Variants in SGIP1 observed in about 807,000 individuals in gnomAD.
SGIP1 encodes the protein SH3GL interacting endocytic adaptor 1.
In SGIP1, 38 loss-of-function variants were observed where a neutral mutation model predicts 107.5. The ratio of observed to expected loss-of-function variants is 0.35; its 90% CI spans 0.27 to 0.46. The LOEUF (loss-of-function observed/expected upper bound fraction) is 0.46. Among genes scored for constraint, SGIP1 ranks in the 20% least tolerant of loss-of-function variants. The pLI is 1.00. For missense variants in SGIP1, 929 were observed against 1,019.5 expected (o/e 0.91, Z 1.21); for synonymous variants, 365 against 366.1 (o/e 1.00, Z 0.03).
At chr1:66,620,112 A>G (rs1029568013) in intron 1 of SGIP1, among the ~76,000 whole-genome samples, 3 of 152,116 alleles carry the variant, frequency 2.0e-5, no homozygotes, top group Non-Finnish European at 4.4e-5. Context: ...TGTACTCAGG[A>G]GAAAAGAAAA....
chr1:66,691,305 G>A (rs1214859998), intron 17 of SGIP1, among the ~76,000 whole-genome samples: 1 of 152,198 alleles, frequency 6.6e-6, no homozygotes. Flanking sequence ...GAAGTAGCTT[G>A]ATCAAAGCCT....
At chr1:66,646,555 A>G (rs2077703335) in intron 7 of SGIP1, among the ~76,000 whole-genome samples, 1 of 152,222 alleles carries the variant, frequency 6.6e-6, no homozygotes, top group African/African-American at 2.4e-5. Context: ...CATGAACTAT[A>G]ACCAATTTGA....
intron 18 of SGIP1, among the ~76,000 whole-genome samples, chr1:66,700,601 T>C (rs1043346540): frequency 3.3e-5 from 5 of 151,472 alleles, no homozygotes; most frequent in Non-Finnish European, 2.9e-5. Context: ...CCAAATAATA[T>C]TTCAATACAT....
At chr1:66,613,295 C>T (rs965122651) in intron 1 of SGIP1, among the ~76,000 whole-genome samples, 14 of 152,052 alleles carry the variant, frequency 9.2e-5, no homozygotes, top group African/African-American at 3.4e-4. Context: ...GTACTTTCAA[C>T]GACTGCCCAT....
intron 1 of SGIP1, among the ~76,000 whole-genome samples, chr1:66,602,351 C>T (rs1468108752): frequency 6.6e-6 from 1 of 152,008 alleles, no homozygotes; most frequent in Non-Finnish European, 1.5e-5. Context: ...TGTATAAATT[C>T]CTGGGCCTCA....
At chr1:66,598,583 T>A (rs940392478) in intron 1 of SGIP1, among the ~76,000 whole-genome samples, 10 of 152,158 alleles carry the variant, frequency 6.6e-5, no homozygotes, top group Non-Finnish European at 1.5e-5. Flanking sequence ...CATGGCAGCA[T>A]CTTCTGGGGA....
chr1:66,673,487 A>G, intron 12 of SGIP1, 121 bp downstream of exon 12: 1 of 935,596 alleles, frequency 1.1e-6, no homozygotes, highest in East Asian at 3.0e-5. Context: ...GTGGGAAAGA[A>G]AAGTTTCAAT....
chr1:66,642,794 C>G lies in SGIP1; in HGVS notation c.229-16C>G. The stretch of plus-strand genomic sequence containing the variant: ...GTTAGGATAATAATTACTTCATGTG[C>G]ACTTGTGTTTTATAGAACTCACCTG... On this transcript the variant is annotated splice_polypyrimidine_tract_variant and intron_variant, in intron 5 of 24. Coordinates refer to ENST00000371037, the MANE Select transcript of SGIP1 (RefSeq NM_032291.4). The G allele has an allele frequency of 1.2e-6, 2 of 1,602,456 alleles. No individual in the cohort carries two copies. The highest frequency in any genetic ancestry group is 4.5e-5 in the East Asian group (2 of 44,706).
chr1:66,614,098 G>A (rs1335883945), intron 1 of SGIP1, among the ~76,000 whole-genome samples: 1 of 152,170 alleles, frequency 6.6e-6, no homozygotes, highest in Non-Finnish European at 1.5e-5. Context: ...TGAATATGAG[G>A]ACCTAGGATC....
chr1:66,560,135 C>T (rs1028590860), intron 1 of SGIP1, among the ~76,000 whole-genome samples: 1 of 152,056 alleles, frequency 6.6e-6, no homozygotes, highest in Non-Finnish European at 1.5e-5. Flanking sequence ...TCAAACCCTT[C>T]TCTTTGCTGT....
chr1:66,668,898 G>A (rs1310261385), intron 9 of SGIP1, among the ~76,000 whole-genome samples: 1 of 152,190 alleles, frequency 6.6e-6, no homozygotes. Flanking sequence ...GACAAAGGGA[G>A]GTTTTTGAAT....
chr1:66,559,609 C>T (rs1432510870), intron 1 of SGIP1, among the ~76,000 whole-genome samples: 1 of 152,030 alleles, frequency 6.6e-6, no homozygotes, highest in Non-Finnish European at 1.5e-5. Flanking sequence ...CCTGGGCTTT[C>T]GTTTCTCTAC....
chr1:66,739,602 G>T, intron 22 of SGIP1, 65 bp downstream of exon 22: 1 of 1,519,016 alleles, frequency 6.6e-7, no homozygotes, highest in Non-Finnish European at 9.1e-7. Context: ...AGACTCCTTA[G>T]CACTTGCGTG....
intron 1 of SGIP1, among the ~76,000 whole-genome samples, chr1:66,589,714 CT>C (rs1378304390): frequency 6.6e-6 from 1 of 152,150 alleles, no homozygotes; most frequent in Non-Finnish European, 1.5e-5. Context: ...AAGATATTTT[CT>C]TTAAGTAAAG....
intron 1 of SGIP1, among the ~76,000 whole-genome samples, chr1:66,608,351 G>A (rs536117525): frequency 1.9e-4 from 29 of 152,276 alleles, no homozygotes; most frequent in Non-Finnish European, 3.5e-4. Flanking sequence ...CCTCATATCT[G>A]ATGATAATAT....
chr1:66,700,627 T>C (rs2091769426), intron 18 of SGIP1, among the ~76,000 whole-genome samples: 1 of 147,674 alleles, frequency 6.8e-6, no homozygotes, highest in Admixed American at 6.8e-5. Context: ...CTATGTATAA[T>C]AATCAAATCA....
chr1:66,600,051 T>G (rs1278616432), intron 1 of SGIP1, among the ~76,000 whole-genome samples: 1 of 152,216 alleles, frequency 6.6e-6, no homozygotes, highest in African/African-American at 2.4e-5. Flanking sequence ...TGGTCTCCAC[T>G]GTAATGGGTA....
intron 1 of SGIP1, among the ~76,000 whole-genome samples, chr1:66,565,075 C>G (rs2148506454): frequency 1.3e-5 from 2 of 152,016 alleles, no homozygotes; most frequent in South Asian, 4.2e-4. Context: ...AAACCAGGAC[C>G]CCCTGACTCC....
At chr1:66,711,493 T>C (rs2150348950) in intron 18 of SGIP1, among the ~76,000 whole-genome samples, 1 of 152,308 alleles carries the variant, frequency 6.6e-6, no homozygotes, top group Non-Finnish European at 1.5e-5. Flanking sequence ...TTGGGTCTCA[T>C]TTATCTTTTC....
Sources: gnomAD v4.1 joint callset for allele counts (sites outside exome capture counted in the v4.1 genomes callset) on GRCh38, gnomAD v4.1.1 for gene constraint, MANE v1.5 for transcripts, NCBI Gene and HGNC (gene_info 2026-07-23, HGNC 2026-07-21) for gene names.